Variants in RNLS observed in about 807,000 individuals in gnomAD.
RNLS encodes renalase.
A neutral mutation model predicts 39.8 loss-of-function variants in RNLS; 39 were observed. That is an observed-to-expected ratio of 0.98 (90% CI 0.76 to 1.28). The LOEUF (loss-of-function observed/expected upper bound fraction) is 1.28, where lower values mean the gene tolerates loss of function less well. RNLS is among the 50% of genes most tolerant of loss of function. The pLI is 0.00. For missense variants in RNLS, 410 were observed against 413.3 expected (o/e 0.99, Z 0.07); for synonymous variants, 147 against 150.7 (o/e 0.98, Z 0.18).
chr10:88,481,680 A>C (rs2134020947), intron 4 of RNLS, among the ~76,000 whole-genome samples: 1 of 152,294 alleles, frequency 6.6e-6, no homozygotes, highest in South Asian at 2.1e-4. Flanking sequence ...AATAATTATA[A>C]TAACTGCTTT....
chr10:88,322,253 C>T (rs1289513991), intron 5 of RNLS, among the ~76,000 whole-genome samples: 1 of 152,274 alleles, frequency 6.6e-6, no homozygotes, highest in East Asian at 1.9e-4. Context: ...TAAAAACCCT[C>T]CAACGAACTA....
At chr10:88,282,829 A>G (rs1254895129), downstream of RNLS, among the ~76,000 whole-genome samples, 2 of 152,206 alleles carry the variant, frequency 1.3e-5, no homozygotes, top group Non-Finnish European at 2.9e-5. Context: ...CAGTTTAGTA[A>G]TTAAGCTTTT....
the RNLS span, among the ~76,000 whole-genome samples, chr10:88,255,164 A>G: frequency 1.3e-5 from 2 of 152,230 alleles, no homozygotes; most frequent in Non-Finnish European, 2.9e-5. Flanking sequence ...TGCATGATCC[A>G]GCCGTGGTTT....
intron 6 of RNLS, among the ~76,000 whole-genome samples, chr10:88,308,254 G>A (rs1845078600): frequency 6.6e-6 from 1 of 151,386 alleles, no homozygotes; most frequent in South Asian, 2.1e-4. Context: ...AAGCAATTGC[G>A]CCAAAAGCAA....
intron 5 of RNLS, among the ~76,000 whole-genome samples, chr10:88,327,417 G>GT (rs1846705067): frequency 6.6e-6 from 1 of 152,112 alleles, no homozygotes; most frequent in Non-Finnish European, 1.5e-5. Flanking sequence ...AGATCTGATG[G>GT]TTTTATAAGG....
At chr10:88,327,829 C>T (rs1741152257) in intron 5 of RNLS, among the ~76,000 whole-genome samples, 1 of 152,164 alleles carries the variant, frequency 6.6e-6, no homozygotes, top group Admixed American at 6.5e-5. Flanking sequence ...TCTCAAACTC[C>T]TGAGCTCAGG....
chr10:88,352,809 G>C (rs945041607), intron 5 of RNLS, among the ~76,000 whole-genome samples: 1 of 152,168 alleles, frequency 6.6e-6, no homozygotes, highest in East Asian at 1.9e-4. Flanking sequence ...GGTGGAATTC[G>C]GTGGTGAATC....
intron 4 of RNLS, among the ~76,000 whole-genome samples, chr10:88,510,160 C>T (rs1452767897): frequency 1.3e-5 from 2 of 152,046 alleles, no homozygotes; most frequent in Non-Finnish European, 1.5e-5. Context: ...AGATGAAGGA[C>T]CATATTTTCC....
chr10:88,266,977 G>A, the RNLS span, among the ~76,000 whole-genome samples: 11 of 152,086 alleles, frequency 7.2e-5, no homozygotes, highest in East Asian at 5.8e-4. Context: ...AATTTGAATC[G>A]TTGTCTTTGG....
intron 5 of RNLS, among the ~76,000 whole-genome samples, chr10:88,350,340 T>A (rs541401821): frequency 6.6e-6 from 1 of 152,198 alleles, no homozygotes; most frequent in South Asian, 2.1e-4. Flanking sequence ...CATTAACTCA[T>A]AATTTACATT....
At chr10:88,384,804 T>C (rs571635005) in intron 4 of RNLS, among the ~76,000 whole-genome samples, 2 of 152,340 alleles carry the variant, frequency 1.3e-5, no homozygotes, top group African/African-American at 4.8e-5. Context: ...TGAGTTGACG[T>C]TTGTTAAGGA....
chr10:88,422,026 G>T (rs916264537), intron 4 of RNLS, among the ~76,000 whole-genome samples: 1 of 152,136 alleles, frequency 6.6e-6, no homozygotes, highest in Non-Finnish European at 1.5e-5. Flanking sequence ...GGTTGTGTTG[G>T]TTTTTTAAGA....
At chr10:88,553,361 A>G (rs935672132) in intron 4 of RNLS, among the ~76,000 whole-genome samples, 4 of 152,192 alleles carry the variant, frequency 2.6e-5, no homozygotes, top group Non-Finnish European at 4.4e-5. Flanking sequence ...ACACTGCCAC[A>G]TGCTGTTCAT....
intron 4 of RNLS, among the ~76,000 whole-genome samples, chr10:88,462,798 A>C (rs1425789415): frequency 6.7e-6 from 1 of 150,012 alleles, no homozygotes; most frequent in African/African-American, 2.5e-5. Context: ...AATTCACTCA[A>C]AGTAAATGAA....
chr10:88,367,699 C>G (rs1850235206), intron 4 of RNLS, among the ~76,000 whole-genome samples: 1 of 152,118 alleles, frequency 6.6e-6, no homozygotes, highest in African/African-American at 2.4e-5. Context: ...TGGCTACTAT[C>G]TGTCTTTTTA....
rs1439964608 is a variant in RNLS, at chr10:88,421,076, T to C, written c.527-58351A>G. Among the ~76,000 whole-genome samples, 9 of 152,216 alleles carry C rather than the reference T, an allele frequency of 5.9e-5. No homozygotes were observed. The East Asian group carries it at 1.3e-3, about 23-fold the overall frequency. ...TGGGATAAGAAAAGTATCAGTTCCT[T>C]GGGAGATGAGAGGCTGCAGGAACAA... is the stretch of plus-strand genomic sequence containing the variant. On this transcript the variant is annotated intron_variant, in intron 4 of 6. Transcript: ENST00000331772.
intron 4 of RNLS, among the ~76,000 whole-genome samples, chr10:88,409,295 CAT>C (rs200859190): frequency 0.062 from 9,361 of 152,146 alleles, 415 homozygotes; most frequent in African/African-American, 0.12. Context: ...GAGAAAAGAA[CAT>C]GTGCAAGAAC....
intron 5 of RNLS, among the ~76,000 whole-genome samples, chr10:88,351,308 C>A (rs1848689242): frequency 6.6e-6 from 1 of 152,162 alleles, no homozygotes. Context: ...CTTGCCCATC[C>A]CTATGTCCTA....
chr10:88,173,112 C>T, the RNLS span, among the ~76,000 whole-genome samples: 1 of 151,944 alleles, frequency 6.6e-6, no homozygotes, highest in Non-Finnish European at 1.5e-5. Flanking sequence ...CCCACCTCAG[C>T]CTCCCAAAGT....
Sources: allele counts gnomAD v4.1 joint callset (sites outside exome capture counted in the v4.1 genomes callset), GRCh38; gene constraint gnomAD v4.1.1; transcripts MANE v1.5; gene names NCBI Gene and HGNC (gene_info 2026-07-23, HGNC 2026-07-21).